BTBD9: variants seen among roughly 807,000 people sequenced by gnomAD.
BTBD9 encodes the protein BTB domain containing 9.
A neutral mutation model predicts 64.3 loss-of-function variants in BTBD9; 49 were observed. The observed-to-expected ratio is 0.76, with a 90% confidence interval of 0.61 to 0.97. The LOEUF is 0.97. BTBD9 is among the 50% of genes least tolerant of loss of function. The pLI, the probability that BTBD9 is intolerant of heterozygous loss-of-function variation, is 0.00. For synonymous variants in BTBD9, 260 were observed against 274.7 expected, an observed-to-expected ratio of 0.95 and a Z score of 0.53; for missense variants, 598 against 762.1, an observed-to-expected ratio of 0.78 and a Z score of 2.53.
rs1266017305 is a variant in BTBD9, at chr6:38,592,750, A to G, written c.640T>C (p.Ser214Pro). 2 of 1,614,208 alleles carry G rather than the reference A, an allele frequency of 1.2e-6. No homozygotes were observed. The highest frequency in any genetic ancestry group is 8.5e-7 in the Non-Finnish European group (1 of 1,180,034). The change falls in exon 4 of 11, where the codon TCA (serine) becomes CCA (proline). Residue 214 changes from serine to proline, a missense_variant. Physicochemically the swap from Ser to Pro is moderately conservative, Grantham distance 74. Coordinates refer to ENST00000481247, the MANE Select transcript of BTBD9 (RefSeq NM_001099272.2). ...ATGATTTCAGCATGATTCTCCTTTG[A>G]ATTGTGCTTACACCAGTTTAATAAG... is the stretch of plus-strand genomic sequence containing the variant. ...LALLNWCKHNSKENHAEIMQA... is the reference protein window; with the variant it reads ...LALLNWCKHNPKENHAEIMQA...
At chr6:38,266,601 GAAAGGAAAGAAA>G (rs1764985236) in intron 8 of BTBD9, among the ~76,000 whole-genome samples, 1 of 99,038 alleles carries the variant, frequency 1.0e-5, no homozygotes, top group Non-Finnish European at 2.0e-5. Flanking sequence ...AGAAAGGAAA[GAAAGGAAAGAAA>G]GAAAGAAAGA....
intron 7 of BTBD9, among the ~76,000 whole-genome samples, chr6:38,306,725 A>G (rs1762638470): frequency 6.6e-6 from 1 of 152,210 alleles, no homozygotes; most frequent in African/African-American, 2.4e-5. Flanking sequence ...TGTACCAGCT[A>G]TATTTAAAGA....
chr6:38,348,108 G>A (rs761180982), intron 6 of BTBD9, among the ~76,000 whole-genome samples: 2 of 152,210 alleles, frequency 1.3e-5, no homozygotes, highest in East Asian at 1.9e-4. Context: ...CCTTGACAAC[G>A]AGCATATTTC....
Position 38,188,535 on chromosome 6 carries a change from GC to G in BTBD9, c.1641+3983del, listed in dbSNP as rs562934779. Among the ~76,000 whole-genome samples the G allele has an allele frequency of 7.9e-5, 12 of 152,350 alleles. No individual in the cohort carries two copies. The South Asian group carries it at 2.5e-3, about 32-fold the overall frequency. On this transcript the variant is annotated intron_variant, in intron 10 of 10. Transcript: ENST00000481247. ...TACACACACAGACAGACCTTTCCAT[GC>G]CATAGACCAAATCCATCGATAGTTT...
At chr6:38,198,003 T>C (rs901733485) in intron 9 of BTBD9, among the ~76,000 whole-genome samples, 5 of 152,228 alleles carry the variant, frequency 3.3e-5, no homozygotes, top group Admixed American at 6.5e-5. Flanking sequence ...CAGCATTAAC[T>C]AGAATGTTTC....
intron 8 of BTBD9, among the ~76,000 whole-genome samples, chr6:38,270,722 A>G (rs561825763): frequency 6.6e-5 from 10 of 152,368 alleles, no homozygotes; most frequent in Admixed American, 2.0e-4. Context: ...AGGTAAAAGG[A>G]AAACAGTGAA....
chr6:38,344,958 T>C, intron 7 of BTBD9, 26 bp downstream of exon 7: 3 of 1,398,128 alleles, frequency 2.1e-6, no homozygotes, highest in South Asian at 2.4e-5. Flanking sequence ...CAAATATACA[T>C]ACAAAAATCT....
At chr6:38,263,696 T>C (rs1244210684) in intron 8 of BTBD9, among the ~76,000 whole-genome samples, 1 of 152,188 alleles carries the variant, frequency 6.6e-6, no homozygotes, top group East Asian at 1.9e-4. Flanking sequence ...GGCTGTGCAG[T>C]CCAGGGAGGG....
chr6:38,393,083 C>G (rs921427479), intron 6 of BTBD9, among the ~76,000 whole-genome samples: 4 of 152,154 alleles, frequency 2.6e-5, no homozygotes, highest in Non-Finnish European at 5.9e-5. Flanking sequence ...GCCATGTTGG[C>G]TAGGCTGGTC....
At chr6:38,346,681 T>C (rs149123591) in intron 6 of BTBD9, among the ~76,000 whole-genome samples, 92 of 152,318 alleles carry the variant, frequency 6.0e-4, no homozygotes, top group South Asian at 1.2e-3. Context: ...AAAGATTATA[T>C]TGTCCTTCAC....
intron 6 of BTBD9, among the ~76,000 whole-genome samples, chr6:38,501,618 G>A (rs1236077281): frequency 6.6e-6 from 1 of 152,038 alleles, no homozygotes; most frequent in Non-Finnish European, 1.5e-5. Context: ...TGTAGTCTGG[G>A]GACTCCTGGG....
At chr6:38,411,105 G>A (rs941727706) in intron 6 of BTBD9, among the ~76,000 whole-genome samples, 2 of 152,072 alleles carry the variant, frequency 1.3e-5, no homozygotes, top group African/African-American at 2.4e-5. Flanking sequence ...AGACTTGCAC[G>A]CCGTGTTCTT....
At chr6:38,244,727 C>G (rs1398655486) in intron 9 of BTBD9, among the ~76,000 whole-genome samples, 2 of 152,100 alleles carry the variant, frequency 1.3e-5, no homozygotes, top group Non-Finnish European at 2.9e-5. Context: ...ATCCAAGTCA[C>G]TAACGTGAGG....
intron 6 of BTBD9, among the ~76,000 whole-genome samples, chr6:38,356,292 T>G (rs896950556): frequency 9.2e-5 from 14 of 152,286 alleles, no homozygotes; most frequent in African/African-American, 3.4e-4. Context: ...TTACTGTTAT[T>G]AATTTATTCC....
chr6:38,319,244 G>GGTCTTC (rs1283374979), intron 7 of BTBD9, among the ~76,000 whole-genome samples: 1 of 152,164 alleles, frequency 6.6e-6, no homozygotes, highest in East Asian at 1.9e-4. Context: ...CCCACTTGGT[G>GGTCTTC]CTCTTCCTCA....
intron 6 of BTBD9, among the ~76,000 whole-genome samples, chr6:38,461,723 T>C (rs1770094673): frequency 6.6e-6 from 1 of 152,166 alleles, no homozygotes; most frequent in Non-Finnish European, 1.5e-5. Context: ...ATGTTTAACT[T>C]TTTAGGAAAC....
rs1767166100 is a variant in BTBD9 at position 38,406,399 on chromosome 6, C to T, written c.1155-61306G>A. Reference sequence around the variant, plus strand: ...TATCAGCAAGTTGAAGCAAGCCCCACATCACACTGTAGAGGAATATACATA... The same window carrying T: ...TATCAGCAAGTTGAAGCAAGCCCCATATCACACTGTAGAGGAATATACATA... On this transcript the variant is annotated intron_variant, in intron 6 of 10. Transcript: ENST00000481247. Among the ~76,000 whole-genome samples the T allele has an allele frequency of 2.6e-5, 4 of 152,124 alleles. No homozygotes were observed. In the South Asian group the frequency reaches 6.2e-4, roughly 24 times the overall value.
At chr6:38,231,247 T>C (rs1470364038) in intron 9 of BTBD9, among the ~76,000 whole-genome samples, 1 of 152,238 alleles carries the variant, frequency 6.6e-6, no homozygotes, top group Non-Finnish European at 1.5e-5. Context: ...CAAATTGAAT[T>C]ACCAGCATTG....
chr6:38,543,821 T>C (rs1393357148), intron 6 of BTBD9, among the ~76,000 whole-genome samples: 2 of 151,826 alleles, frequency 1.3e-5, no homozygotes, highest in African/African-American at 4.8e-5. Context: ...GCCGGGCGTG[T>C]TGGCGGGCGC....
Sources: gnomAD v4.1 joint callset for allele counts (sites outside exome capture counted in the v4.1 genomes callset) on GRCh38, gnomAD v4.1.1 for gene constraint, MANE v1.5 for transcripts, NCBI Gene and HGNC (gene_info 2026-07-23, HGNC 2026-07-21) for gene names.